The following PPM1E variants were observed in gnomAD, a reference collection of about 807,000 sequenced individuals.
The protein encoded by PPM1E is protein phosphatase, Mg2+/Mn2+ dependent 1E, also known as protein phosphatase 1E.
Under a neutral mutation model 65.9 loss-of-function variants are expected in PPM1E, and 20 were observed. The observed-to-expected ratio is 0.30, with a 90% confidence interval of 0.21 to 0.44. The LOEUF is 0.44. Ranked by LOEUF, PPM1E falls within the 20% of genes least tolerant of loss-of-function variation. PPM1E has a pLI of 1.00. For missense variants in PPM1E, 713 were observed against 953.1 expected (o/e 0.75, Z 3.32); for synonymous variants, 352 against 374.9 (o/e 0.94, Z 0.70).
rs1231080565 is a variant in PPM1E at position 58,854,694 on chromosome 17, T to TATTA, written c.464+98234_464+98237dup. Among the ~76,000 whole-genome samples the TATTA allele has an allele frequency of 2.6e-5, 4 of 152,340 alleles. No homozygotes were observed. The East Asian group carries it at 5.8e-4, about 22-fold the overall frequency. ...TTTCCTTCATTTTGTTAATGTGGTA[T>TATTA]ATTACATTGTTTGATTTTTCATGTG... On this transcript the variant is annotated intron_variant, in intron 1 of 6. Transcript: ENST00000308249.
At chr17:58,825,205 T>C (rs78954094) in intron 1 of PPM1E, among the ~76,000 whole-genome samples, 3 of 144,678 alleles carry the variant, frequency 2.1e-5, no homozygotes, top group Non-Finnish European at 4.5e-5. Context: ...GCTTGAACTA[T>C]TGATTCTCAC....
chr17:58,810,884 G>C (rs1282103996), intron 1 of PPM1E, among the ~76,000 whole-genome samples: 1 of 151,994 alleles, frequency 6.6e-6, no homozygotes, highest in Non-Finnish European at 1.5e-5. Context: ...TTGAGACAGA[G>C]CCTTACTCTC....
chr17:58,972,809 C>G (rs779289536), intron 5 of PPM1E, 23 bp from the exon 6 acceptor site: 7 of 1,591,996 alleles, frequency 4.4e-6, no homozygotes, highest in Non-Finnish European at 8.6e-7. Flanking sequence ...TTATTTGCTT[C>G]TTTTTATTGC....
chr17:58,910,699 A>G (rs2051617213), intron 1 of PPM1E, among the ~76,000 whole-genome samples: 1 of 152,122 alleles, frequency 6.6e-6, no homozygotes, highest in African/African-American at 2.4e-5. Context: ...ATGGACTGTG[A>G]GCTTCACATA....
At chr17:58,844,747 A>G (rs1192386903) in intron 1 of PPM1E, among the ~76,000 whole-genome samples, 3 of 152,214 alleles carry the variant, frequency 2.0e-5, no homozygotes, top group African/African-American at 7.2e-5. Context: ...GCATGGAAAA[A>G]GATATCAGCA....
intron 1 of PPM1E, 190 bp from the exon 2 acceptor site, chr17:58,955,459 A>G: frequency 1.5e-6 from 1 of 659,556 alleles, no homozygotes; most frequent in Non-Finnish European, 2.7e-6. Flanking sequence ...GTAAGGAGCC[A>G]TGTCTGTGTT....
intron 1 of PPM1E, among the ~76,000 whole-genome samples, chr17:58,859,593 G>A (rs1340135610): frequency 1.3e-5 from 2 of 152,196 alleles, no homozygotes; most frequent in Admixed American, 1.3e-4. Context: ...TTTAGAGGAA[G>A]GAGGTGACTT....
At chr17:58,931,083 A>AAAAAAAAAG (rs1555620605) in intron 1 of PPM1E, among the ~76,000 whole-genome samples, 1 of 141,352 alleles carries the variant, frequency 7.1e-6, no homozygotes, top group African/African-American at 2.6e-5. Flanking sequence ...AAAAAAAAAA[A>AAAAAAAAAG]AAAGAAAGAA....
chr17:58,956,995 A>G (rs1037243795), intron 2 of PPM1E, among the ~76,000 whole-genome samples: 1 of 152,220 alleles, frequency 6.6e-6, no homozygotes, highest in Non-Finnish European at 1.5e-5. Context: ...TGATTCACCT[A>G]GAACCAAATT....
chr17:58,870,592 C>A (rs1449872498), intron 1 of PPM1E, among the ~76,000 whole-genome samples: 1 of 152,118 alleles, frequency 6.6e-6, no homozygotes, highest in Non-Finnish European at 1.5e-5. Context: ...GTTTTCTGTT[C>A]CTGTGTTAAT....
intron 6 of PPM1E, among the ~76,000 whole-genome samples, chr17:58,977,495 G>C (rs1186188101): frequency 1.3e-5 from 2 of 151,702 alleles, no homozygotes; most frequent in African/African-American, 4.8e-5. Flanking sequence ...GCCTAGATAT[G>C]AGTAAGATGA....
At chr17:58,974,227 A>C (rs1321643364) in intron 6 of PPM1E, among the ~76,000 whole-genome samples, 1 of 152,210 alleles carries the variant, frequency 6.6e-6, no homozygotes, top group African/African-American at 2.4e-5. Flanking sequence ...TATTTTATCC[A>C]CATTCATTTT....
intron 1 of PPM1E, among the ~76,000 whole-genome samples, chr17:58,775,201 T>A (rs772168809): frequency 6.6e-6 from 1 of 152,170 alleles, no homozygotes; most frequent in Non-Finnish European, 1.5e-5. Flanking sequence ...TTTAAAATAA[T>A]GCTTGTAATG....
intron 1 of PPM1E, among the ~76,000 whole-genome samples, chr17:58,814,449 G>A (rs72828709): frequency 1.5e-4 from 23 of 152,222 alleles, no homozygotes; most frequent in Non-Finnish European, 1.3e-4. Context: ...ATATATACAT[G>A]GTCCTGTGTA....
In PPM1E at chr17:58,879,799, G is replaced by A. The variant is rs562711005; in HGVS notation, c.465-75850G>A. ...GGTGGGATTACAGGCGTGAGCCACC[G>A]TGCCCGGCGAGATTAACTTTTAAAA... is the stretch of plus-strand genomic sequence containing the variant. On this transcript the variant is annotated intron_variant, in intron 1 of 6. Coordinates refer to ENST00000308249, the MANE Select transcript of PPM1E (RefSeq NM_014906.5). Among the ~76,000 whole-genome samples the A allele has an allele frequency of 1.4e-4, 21 of 152,170 alleles. No individual in the cohort carries two copies. The South Asian group carries it at 3.5e-3, about 26-fold the overall frequency.
At chr17:58,920,318 G>C (rs2051736160) in intron 1 of PPM1E, among the ~76,000 whole-genome samples, 1 of 152,004 alleles carries the variant, frequency 6.6e-6, no homozygotes, top group African/African-American at 2.4e-5. Flanking sequence ...TCTGTTTCTT[G>C]ACCTCCTCAC....
rs1003613666 is a variant in PPM1E at position 58,926,650 on chromosome 17, A to T, written c.465-28999A>T. On this transcript the variant is annotated intron_variant, in intron 1 of 6. Transcript: ENST00000308249. ...TTTCCTAATAAACTTTGCCATTTCTATTTAATTGAAGAGTAGCTTGAAATT... is the reference window on the plus strand; with the variant it reads ...TTTCCTAATAAACTTTGCCATTTCTTTTTAATTGAAGAGTAGCTTGAAATT... 3.9e-4 allele frequency among the ~76,000 whole-genome samples: 59 copies of T among 152,236 alleles called. 1 individual carries two copies. Among genetic ancestry groups the T allele is most frequent in the South Asian group, 6.2e-4 (3 of 4,824 alleles).
At chr17:58,891,442 CCTCCTGAGTAGCT>C (rs1814689712) in intron 1 of PPM1E, among the ~76,000 whole-genome samples, 1 of 152,058 alleles carries the variant, frequency 6.6e-6, no homozygotes, top group Admixed American at 6.6e-5. Context: ...CCTGCCTCAG[CCTCCTGAGTAGCT>C]GGGGTTACAG....
chr17:58,789,511 A>G (rs1244169619), intron 1 of PPM1E, among the ~76,000 whole-genome samples: 2 of 152,052 alleles, frequency 1.3e-5, no homozygotes, highest in African/African-American at 4.8e-5. Flanking sequence ...TGCTTTCATC[A>G]TGTGTCTCCG....
Sources: gnomAD v4.1 joint callset for allele counts (sites outside exome capture counted in the v4.1 genomes callset) on GRCh38, gnomAD v4.1.1 for gene constraint, MANE v1.5 for transcripts, NCBI Gene and HGNC (gene_info 2026-07-23, HGNC 2026-07-21) for gene names.